TNRC18: variants seen among roughly 807,000 people sequenced by gnomAD.
TNRC18 encodes trinucleotide repeat-containing gene 18 protein.
In TNRC18, 69 loss-of-function variants were observed where a neutral mutation model predicts 226.7. That is an observed-to-expected ratio of 0.30 (90% CI 0.25 to 0.37). The LOEUF (loss-of-function observed/expected upper bound fraction) is 0.37, where lower values mean the gene tolerates loss of function less well. TNRC18 is among the 10% of genes least tolerant of loss of function. The pLI is 1.00. For synonymous variants in TNRC18, 2,449 were observed against 1,927.6 expected (o/e 1.27, Z -7.09); for missense variants, 4,754 against 4,256.6 (o/e 1.12, Z -3.25).
At chr7:5,382,252 G>A (rs970173669) in intron 5 of TNRC18, among the ~76,000 whole-genome samples, 4 of 152,128 alleles carry the variant, frequency 2.6e-5, no homozygotes, top group African/African-American at 4.8e-5. Context: ...CAACATACAC[G>A]GCCCCACACA....
intron 24 of TNRC18, among the ~76,000 whole-genome samples, chr7:5,317,506 A>G (rs1787969447): frequency 6.6e-6 from 1 of 151,996 alleles, no homozygotes; most frequent in East Asian, 1.9e-4. Flanking sequence ...CAGGAGAATC[A>G]CTTGAACCTG....
In TNRC18 at chr7:5,383,700, A is replaced by G. The variant is rs142241439; in HGVS notation, c.2152+3972T>C. On this transcript the variant is annotated intron_variant, in intron 5 of 29. Coordinates refer to ENST00000430969, the MANE Select transcript of TNRC18 (RefSeq NM_001080495.3). ...GGGCGTCTCTCTCCTCCCTCCTTTC[A>G]AAGTGGCTCAGCACTCAGGCTGGAC... Among the ~76,000 whole-genome samples, 1,033 of 152,218 alleles carry G rather than the reference A, an allele frequency of 6.8e-3. 7 individuals are homozygous for G. The highest frequency in any genetic ancestry group is 0.023 in the African/African-American group (974 of 41,536).
At chr7:5,345,517 G>GGGGGGGGCGCC in intron 18 of TNRC18, 45 bp downstream of exon 18, 1 of 377,744 alleles carries the variant, frequency 2.6e-6, no homozygotes, top group East Asian at 4.6e-5. Flanking sequence ...AATGGCGTCC[G>GGGGGGGGCGCC]CCCCTCCCAC....
intron 16 of TNRC18, among the ~76,000 whole-genome samples, chr7:5,356,233 T>C (rs372066154): frequency 8.8e-5 from 13 of 148,174 alleles, no homozygotes; most frequent in Middle Eastern, 7.1e-3. Context: ...TTCCAGTGGG[T>C]AGGTGGGTCG....
chr7:5,416,111 CAAAAA>C (rs35630581), intron 2 of TNRC18, among the ~76,000 whole-genome samples: 1 of 83,210 alleles, frequency 1.2e-5, no homozygotes. Flanking sequence ...GACTCTCTCG[CAAAAA>C]AAAAAAAAAA....
chr7:5,382,482 A>T (rs1025340591), intron 5 of TNRC18, among the ~76,000 whole-genome samples: 14 of 151,978 alleles, frequency 9.2e-5, no homozygotes, highest in Admixed American at 3.3e-4. Flanking sequence ...TCCCATGGCA[A>T]CCCCTTCCTG....
intron 5 of TNRC18, among the ~76,000 whole-genome samples, chr7:5,385,583 C>A (rs1265462037): frequency 6.6e-6 from 1 of 151,414 alleles, no homozygotes; most frequent in Non-Finnish European, 1.5e-5. Flanking sequence ...CCTCAGGAGG[C>A]TGAGGCCGGA....
chr7:5,333,124 C>T lies in TNRC18; in HGVS notation c.5720-75G>A, dbSNP rs894746072. 8.7e-6 allele frequency: 13 copies of T among 1,491,972 alleles called. No homozygotes were observed. In the Admixed American group the frequency reaches 2.6e-4, roughly 30 times the overall value. 92.4% of individuals were successfully genotyped at this position (1,491,972 alleles called of 1,614,324 possible). A position where few individuals can be genotyped will look rare whatever the true frequency, so the allele number is the denominator to read the frequency against. ...CCCTCCCACCCAGCCACATGGACAC[C>T]ATTCCTCCCCGGCGGGACCTCCCCG... On this transcript the variant is annotated intron_variant, in intron 18 of 29. Coordinates refer to ENST00000430969, the MANE Select transcript of TNRC18 (RefSeq NM_001080495.3).
At chr7:5,357,419 T>C (rs1432718389) in intron 15 of TNRC18, 143 bp from the exon 16 acceptor site, 3 of 678,656 alleles carry the variant, frequency 4.4e-6, no homozygotes, top group African/African-American at 3.7e-5. Flanking sequence ...TATATATTTA[T>C]TTTTTTTTTA....
At chr7:5,323,767 C>A (rs1413203841) in intron 21 of TNRC18, among the ~76,000 whole-genome samples, 1 of 152,048 alleles carries the variant, frequency 6.6e-6, no homozygotes, top group South Asian at 2.1e-4. Context: ...AGGGTTTCAC[C>A]ATGTTGGCCA....
intron 16 of TNRC18, among the ~76,000 whole-genome samples, chr7:5,356,664 C>T (rs1163229972): frequency 2.0e-5 from 3 of 152,180 alleles, no homozygotes; most frequent in South Asian, 4.1e-4. Context: ...CCGCCAATCA[C>T]GGGCGCCCAC....
chr7:5,329,861 C>T lies in TNRC18; in HGVS notation c.6147+2761G>A, dbSNP rs1276571741. On this transcript the variant is annotated intron_variant, in intron 19 of 29. Coordinates refer to ENST00000430969, the MANE Select transcript of TNRC18 (RefSeq NM_001080495.3). ...CCCAAGAGTTCCTTCTGTTGGAGGCCCAGGGTTTCCAATTCCTGGCATCTG... is the reference window on the plus strand; with the variant it reads ...CCCAAGAGTTCCTTCTGTTGGAGGCTCAGGGTTTCCAATTCCTGGCATCTG... 7 of 468,480 alleles carry T rather than the reference C, an allele frequency of 1.5e-5. No homozygotes were observed. The East Asian group carries it at 4.9e-4, about 33-fold the overall frequency. 29.0% of individuals were successfully genotyped at this position (468,480 alleles called of 1,614,324 possible).
chr7:5,371,400 G>A lies in TNRC18; in HGVS notation c.3230-36C>T, dbSNP rs765256956. ...CACAGGGGTCAGCATGGGAGCCCTAGGATCTGATATCCCATGTCCCCACTG... is the reference window on the plus strand; with the variant it reads ...CACAGGGGTCAGCATGGGAGCCCTAAGATCTGATATCCCATGTCCCCACTG... On this transcript the variant is annotated intron_variant, in intron 10 of 29. Transcript: ENST00000430969. The A allele has an allele frequency of 1.2e-5, 18 of 1,483,158 alleles. 1 individual carries two copies. In the South Asian group the frequency reaches 1.4e-4, roughly 11 times the overall value. The allele number at this position is 1,483,158 out of a possible 1,614,324, so 91.9% of individuals were successfully genotyped here.
At chr7:5,414,707 C>T (rs540618547) in intron 2 of TNRC18, among the ~76,000 whole-genome samples, 26 of 152,166 alleles carry the variant, frequency 1.7e-4, no homozygotes, top group Admixed American at 7.9e-4. Context: ...CCACTGCGCC[C>T]GGCCCACATT....
intron 16 of TNRC18, 99 bp downstream of exon 16, chr7:5,356,817 A>G (rs951654309): frequency 4.4e-6 from 6 of 1,364,290 alleles, no homozygotes; most frequent in Non-Finnish European, 4.8e-6. Flanking sequence ...AGAGCGAGAG[A>G]GAGAGTGAGG....
intron 16 of TNRC18, 131 bp downstream of exon 16, chr7:5,356,785 A>C (rs1466955205): frequency 2.6e-5 from 33 of 1,285,340 alleles, no homozygotes; most frequent in Non-Finnish European, 3.4e-5. Context: ...CAGGCACTGT[A>C]GTGCGCCCCA....
Position 5,376,888 on chromosome 7 carries a change from C to T in TNRC18, c.2567G>A (p.Gly856Asp), listed in dbSNP as rs865954695. ...ATCACTGGGAATGACCACCAGCTGG[C>T]CCGATTGGGGGTCCCTGACAAACTG... ...AYQFVRDPQS[G>D]QLVVIPSDHL... Residue 856 changes from glycine (G) to aspartate (D), a missense_variant, in exon 8 of 30, where the codon GGC becomes GAC. Transcript: ENST00000430969. 1.2e-6 allele frequency: 2 copies of T among 1,610,868 alleles called. No homozygotes were observed. The highest frequency in any genetic ancestry group is 2.2e-5 in the East Asian group (1 of 44,752).
intron 18 of TNRC18, among the ~76,000 whole-genome samples, chr7:5,339,467 T>C (rs1019526412): frequency 3.3e-5 from 5 of 151,952 alleles, no homozygotes; most frequent in African/African-American, 1.2e-4. Flanking sequence ...CTCAAACTCC[T>C]GACCTCTGAT....
intron 10 of TNRC18, among the ~76,000 whole-genome samples, chr7:5,372,426 T>C (rs1197582702): frequency 2.6e-5 from 4 of 151,256 alleles, no homozygotes; most frequent in Non-Finnish European, 5.9e-5. Flanking sequence ...ATTCACCATG[T>C]TGGTCAGGCC....
Sources: allele counts gnomAD v4.1 joint callset (sites outside exome capture counted in the v4.1 genomes callset), GRCh38; gene constraint gnomAD v4.1.1; transcripts MANE v1.5; gene names NCBI Gene and HGNC (gene_info 2026-07-23, HGNC 2026-07-21).